The following TMEM268 variants were observed in gnomAD, a reference collection of about 807,000 sequenced individuals.
TMEM268 encodes transmembrane protein C9orf91.
TMEM268 carries 24 observed loss-of-function variants against 39.1 expected under a neutral mutation model. That is an observed-to-expected ratio of 0.61 (90% CI 0.44 to 0.86). The LOEUF (loss-of-function observed/expected upper bound fraction) is 0.86, where lower values mean the gene tolerates loss of function less well. TMEM268 is among the 40% of genes least tolerant of loss of function. The pLI, the probability that TMEM268 is intolerant of heterozygous loss-of-function variation, is 0.00. For synonymous variants in TMEM268, 176 were observed against 173.5 expected (o/e 1.01, Z -0.12); for missense variants, 409 against 428.6 (o/e 0.95, Z 0.40).
intron 1 of TMEM268, among the ~76,000 whole-genome samples, 165 bp downstream of exon 1, chr9:114,611,729 C>G (rs34060687): frequency 6.6e-6 from 1 of 152,150 alleles, no homozygotes; most frequent in African/African-American, 2.4e-5. Flanking sequence ...GTCCTTCGTG[C>G]GCCCTGGGGC....
chr9:114,627,307 A>T (rs576379031), intron 4 of TMEM268, among the ~76,000 whole-genome samples: 2 of 152,306 alleles, frequency 1.3e-5, no homozygotes, highest in Non-Finnish European at 1.5e-5. Flanking sequence ...CTTGGCCAAG[A>T]CTTTCCTCCT....
chr9:114,615,405 A>C (rs900741035), intron 1 of TMEM268: 1 of 152,302 alleles, frequency 6.6e-6, no homozygotes, highest in Non-Finnish European at 1.5e-5. Flanking sequence ...CCACTTGCCC[A>C]AGTTGACATA....
rs550983875 is a variant in TMEM268 at position 114,642,017 on chromosome 9, A to G, written c.850-1117A>G. On this transcript the variant is annotated intron_variant, in intron 8 of 8. Coordinates refer to ENST00000288502, the MANE Select transcript of TMEM268 (RefSeq NM_153045.4). ...ATCCTTTTTTACTTAAAATTGTTTT[A>G]TTGTGGCAAATATACATAATATAAA... is the stretch of plus-strand genomic sequence containing the variant. Among the ~76,000 whole-genome samples, 19 of 152,270 alleles carry G rather than the reference A, an allele frequency of 1.2e-4. No individual in the cohort carries two copies. In the South Asian group the frequency reaches 3.7e-3, roughly 30 times the overall value.
chr9:114,605,029 C>T, the TMEM268 span, among the ~76,000 whole-genome samples: 1 of 152,196 alleles, frequency 6.6e-6, no homozygotes, highest in Non-Finnish European at 1.5e-5. Flanking sequence ...CTTCCTGTAA[C>T]CCCAGTAAAG....
intron 6 of TMEM268, 45 bp downstream of exon 6, chr9:114,633,923 G>A: frequency 8.4e-7 from 1 of 1,193,202 alleles, no homozygotes; most frequent in Non-Finnish European, 1.2e-6. Flanking sequence ...CCAGTTTTAT[G>A]TTGGGCTAAT....
At chr9:114,625,641 C>T (rs1484342371) in intron 3 of TMEM268, among the ~76,000 whole-genome samples, 1 of 151,716 alleles carries the variant, frequency 6.6e-6, no homozygotes, top group Admixed American at 6.6e-5. Flanking sequence ...CGGGGTTTCA[C>T]CATGTTGGCC....
chr9:114,605,750 G>A, the TMEM268 span, among the ~76,000 whole-genome samples: 3 of 152,010 alleles, frequency 2.0e-5, no homozygotes, highest in African/African-American at 4.8e-5. Flanking sequence ...GGGAAACCCT[G>A]TCTCTACAAA....
chr9:114,606,270 C>T (rs1489465960), upstream of TMEM268, among the ~76,000 whole-genome samples: 1 of 152,138 alleles, frequency 6.6e-6, no homozygotes, highest in African/African-American at 2.4e-5. Context: ...GGATTGCTGG[C>T]CTTCCTGATA....
In TMEM268 at chr9:114,643,288, G is replaced by T; in HGVS notation, c.1004G>T (p.Gly335Val). 1 of 1,614,110 alleles carries T rather than the reference G, an allele frequency of 6.2e-7. No homozygotes were observed. Among genetic ancestry groups the T allele is most frequent in the Non-Finnish European group, 8.5e-7 (1 of 1,179,998 alleles). Reference protein sequence around the residue: ...QLIEAYILGTGCCPFLAR With the variant: ...QLIEAYILGTVCCPFLAR ...ATAGAAGCCTACATCCTAGGCACAGGGTGCTGCCCGTTCCTGGCGAGGTGA... is the reference window on the plus strand; with the variant it reads ...ATAGAAGCCTACATCCTAGGCACAGTGTGCTGCCCGTTCCTGGCGAGGTGA... Residue 335 changes from glycine to valine, a missense_variant, in exon 9 of 9, where the codon GGG becomes GTG. Gly to Val is a moderately radical substitution (Grantham distance 109, BLOSUM62 -3). Coordinates refer to ENST00000288502, the MANE Select transcript of TMEM268 (RefSeq NM_153045.4).
At position 114,628,156 on chromosome 9, in the gene TMEM268, T is replaced by TGG; in HGVS notation, c.383_384dup (p.Asn129GlyfsTer10). The TGG allele has an allele frequency of 6.2e-7, 1 of 1,614,192 alleles. No individual in the cohort carries two copies. Among genetic ancestry groups the TGG allele is most frequent in the South Asian group, 1.1e-5 (1 of 91,084 alleles). ...TACTCTACCAGTCAGATGTTTGCCT[T>TGG]GGGGAACCACTGGGCTGGCATGCTG... On this transcript the variant is annotated frameshift_variant, in exon 5 of 9. Coordinates refer to ENST00000288502, the MANE Select transcript of TMEM268 (RefSeq NM_153045.4). LOFTEE classifies it high-confidence loss of function.
chr9:114,632,482 CA>C (rs1266563655), intron 5 of TMEM268, among the ~76,000 whole-genome samples: 2 of 152,188 alleles, frequency 1.3e-5, no homozygotes, highest in African/African-American at 4.8e-5. Flanking sequence ...CTTACTTCCC[CA>C]AACCAGCATT....
chr9:114,621,027 C>A (rs1402590719), intron 2 of TMEM268, among the ~76,000 whole-genome samples: 2 of 151,978 alleles, frequency 1.3e-5, no homozygotes, highest in African/African-American at 4.8e-5. Flanking sequence ...GAGATGATAT[C>A]CCAGGGTATG....
rs150390813 is a variant in TMEM268 at position 114,638,665 on chromosome 9, C to G, written c.788C>G (p.Pro263Arg). 1,444 of 1,608,128 alleles carry G rather than the reference C, an allele frequency of 9.0e-4. 2 individuals carry two copies. Among genetic ancestry groups the G allele is most frequent in the Admixed American group, 1.9e-3 (110 of 59,100 alleles). Residue 263 changes from proline to arginine, a missense_variant, in exon 8 of 9, where the codon CCT (proline) becomes CGT (arginine). By Grantham distance (103) the Pro-to-Arg change is moderately radical. Coordinates refer to ENST00000288502, the MANE Select transcript of TMEM268 (RefSeq NM_153045.4). ...DAPLLPGNSCPNERPLMQTEL... is the reference protein window; with the variant it reads ...DAPLLPGNSCRNERPLMQTEL... ...CCTCTCCTGCCCGGCAATTCTTGTC[C>G]TAACGAGAGGCCACTCATGCAGACT...
At chr9:114,607,277 T>G (rs1479371196), upstream of TMEM268, among the ~76,000 whole-genome samples, 2 of 152,214 alleles carry the variant, frequency 1.3e-5, no homozygotes, top group African/African-American at 4.8e-5. Flanking sequence ...AACAGCCCTA[T>G]GCCCAAAAGG....
upstream of TMEM268, among the ~76,000 whole-genome samples, chr9:114,610,776 T>A (rs1239437482): frequency 1.3e-5 from 2 of 152,214 alleles, no homozygotes; most frequent in Middle Eastern, 3.2e-3. Context: ...GAAGTAGCTA[T>A]AATTATCTGC....
At chr9:114,627,953 A>C in intron 4 of TMEM268, 148 bp from the exon 5 acceptor site, 2 of 792,636 alleles carry the variant, frequency 2.5e-6, no homozygotes, top group Non-Finnish European at 4.1e-6. Flanking sequence ...TCACAGATCC[A>C]GGTGACTGCA....
intron 4 of TMEM268, among the ~76,000 whole-genome samples, chr9:114,627,454 A>G (rs750377778): frequency 3.3e-5 from 5 of 152,224 alleles, no homozygotes; most frequent in Non-Finnish European, 5.9e-5. Flanking sequence ...ATATTGATAC[A>G]TATAAACACT....
chr9:114,609,811 AAAAAG>A (rs1164852834), upstream of TMEM268, among the ~76,000 whole-genome samples: 2 of 149,802 alleles, frequency 1.3e-5, no homozygotes, highest in Non-Finnish European at 3.0e-5. Context: ...AGAAGGAAAG[AAAAAG>A]AAACAAAGAA....
chr9:114,607,679 GAAAC>G (rs1017300678), upstream of TMEM268, among the ~76,000 whole-genome samples: 4 of 151,812 alleles, frequency 2.6e-5, no homozygotes, highest in African/African-American at 4.8e-5. Context: ...CACAAAGCCA[GAAAC>G]AAACAAACAA....
Sources: gnomAD v4.1 joint callset for allele counts (sites outside exome capture counted in the v4.1 genomes callset) on GRCh38, gnomAD v4.1.1 for gene constraint, MANE v1.5 for transcripts, NCBI Gene and HGNC (gene_info 2026-07-23, HGNC 2026-07-21) for gene names.